SESTD1: variants seen among roughly 807,000 people sequenced by gnomAD.
The protein encoded by SESTD1 is SEC14 domain and spectrin repeat-containing protein 1.
A neutral mutation model predicts 101.7 loss-of-function variants in SESTD1; 43 were observed. That is an observed-to-expected ratio of 0.42 (90% CI 0.33 to 0.55). The LOEUF is 0.55. Among genes scored for constraint, SESTD1 ranks in the 20% least tolerant of loss-of-function variants. The pLI is 0.07. For missense variants in SESTD1, 647 were observed against 815.1 expected, an observed-to-expected ratio of 0.79 and a Z score of 2.51; for synonymous variants, 283 against 286.8, an observed-to-expected ratio of 0.99 and a Z score of 0.13.
At chr2:179,124,222 T>C (rs984032119) in intron 11 of SESTD1, 142 bp downstream of exon 11, 3 of 769,618 alleles carry the variant, frequency 3.9e-6, no homozygotes, top group Admixed American at 6.0e-5. Context: ...AATCAAAGAA[T>C]TTTATCTCAT....
intron 1 of SESTD1, among the ~76,000 whole-genome samples, chr2:179,207,778 A>T (rs2046608022): frequency 7.4e-6 from 1 of 134,568 alleles, no homozygotes; most frequent in South Asian, 2.8e-4. Context: ...ATGAGAATGA[A>T]CCAGAAAAGT....
intron 1 of SESTD1, among the ~76,000 whole-genome samples, chr2:179,199,757 C>T (rs570210173): frequency 1.3e-5 from 2 of 152,104 alleles, no homozygotes; most frequent in Non-Finnish European, 2.9e-5. Context: ...ATTCAACAAC[C>T]CTTCATGCTA....
chr2:179,234,153 C>A (rs1260676431), intron 1 of SESTD1, among the ~76,000 whole-genome samples: 1 of 152,096 alleles, frequency 6.6e-6, no homozygotes, highest in East Asian at 1.9e-4. Context: ...AGCAGGACTG[C>A]CTTCAGACTT....
In SESTD1 at chr2:179,140,340, G is replaced by GGC. The variant is rs201262118; in HGVS notation, c.849+3250_849+3251dup. On this transcript the variant is annotated intron_variant, in intron 9 of 17. Coordinates refer to ENST00000428443, the MANE Select transcript of SESTD1 (RefSeq NM_178123.5). The stretch of plus-strand genomic sequence containing the variant: ...AACCTAAAATAAGGTCTTTAGGGTG[G>GGC]GCCCAATCTAAATATATGACTGGTA... Among the ~76,000 whole-genome samples the GGC allele has an allele frequency of 4.4e-3, 674 of 152,068 alleles. 3 individuals are homozygous for GGC. The highest frequency in any genetic ancestry group is 9.8e-3 in the Admixed American group (149 of 15,262).
At chr2:179,238,627 A>C (rs1439852579) in intron 1 of SESTD1, among the ~76,000 whole-genome samples, 1 of 152,092 alleles carries the variant, frequency 6.6e-6, no homozygotes, top group African/African-American at 2.4e-5. Context: ...TTGCTCAATA[A>C]ATTACTATGT....
chr2:179,250,194 T>C (rs982116317), intron 1 of SESTD1, among the ~76,000 whole-genome samples: 2 of 150,132 alleles, frequency 1.3e-5, no homozygotes, highest in African/African-American at 4.9e-5. Context: ...AAAATCCAAA[T>C]AGAAAATGGG....
intron 1 of SESTD1, among the ~76,000 whole-genome samples, chr2:179,223,478 C>A (rs1465406217): frequency 6.6e-6 from 1 of 151,630 alleles, no homozygotes; most frequent in African/African-American, 2.4e-5. Flanking sequence ...AAATAAACAA[C>A]TGAATTGGTC....
At chr2:179,252,860 T>C (rs1042755175) in intron 1 of SESTD1, among the ~76,000 whole-genome samples, 4 of 152,208 alleles carry the variant, frequency 2.6e-5, no homozygotes, top group African/African-American at 9.7e-5. Context: ...GTTATTTTCA[T>C]AGTGTCTCCT....
intron 13 of SESTD1, among the ~76,000 whole-genome samples, chr2:179,121,045 G>A (rs1256727461): frequency 6.6e-6 from 1 of 152,144 alleles, no homozygotes; most frequent in Non-Finnish European, 1.5e-5. Flanking sequence ...ATCATCCTCT[G>A]TGGTGACAGA....
intron 1 of SESTD1, among the ~76,000 whole-genome samples, chr2:179,224,816 GT>G (rs746518798): frequency 6.6e-6 from 1 of 152,148 alleles, no homozygotes; most frequent in Non-Finnish European, 1.5e-5. Context: ...TCGACCAGAG[GT>G]CATAGAAGCT....
At chr2:179,185,722 C>CAATATATAATATACT (rs2046213012) in intron 2 of SESTD1, among the ~76,000 whole-genome samples, 2 of 56,996 alleles carry the variant, frequency 3.5e-5, no homozygotes, top group Non-Finnish European at 7.8e-5. Flanking sequence ...TATAATATAG[C>CAATATATAATATACT]ATATTATATA....
At chr2:179,189,620 G>A (rs1026849067) in intron 2 of SESTD1, among the ~76,000 whole-genome samples, 4 of 152,066 alleles carry the variant, frequency 2.6e-5, no homozygotes, top group African/African-American at 4.8e-5. Context: ...AGAAAAAGGA[G>A]GAGTCAAATT....
At chr2:179,176,317 G>A (rs895179622) in intron 4 of SESTD1, 131 bp downstream of exon 4, 2 of 667,336 alleles carry the variant, frequency 3.0e-6, no homozygotes, top group Non-Finnish European at 5.2e-6. Context: ...ATAGTGATAA[G>A]TGCATTTTCA....
chr2:179,183,577 AGTTT>A (rs2046156292), intron 2 of SESTD1, among the ~76,000 whole-genome samples: 1 of 152,132 alleles, frequency 6.6e-6, no homozygotes, highest in Non-Finnish European at 1.5e-5. Context: ...GAAATATGAT[AGTTT>A]GTTATGTTCT....
At chr2:179,252,751 G>A (rs565506833) in intron 1 of SESTD1, among the ~76,000 whole-genome samples, 115 of 152,218 alleles carry the variant, frequency 7.6e-4, no homozygotes, top group South Asian at 1.9e-3. Context: ...GGAGAATCTG[G>A]CCCAAAAAGT....
At chr2:179,123,491 G>A (rs1336940927) in intron 12 of SESTD1, among the ~76,000 whole-genome samples, 1 of 151,938 alleles carries the variant, frequency 6.6e-6, no homozygotes, top group Non-Finnish European at 1.5e-5. Context: ...AACAGGCAAG[G>A]GTAAAGGCCC....
At chr2:179,263,606 C>T (rs910357493) in intron 1 of SESTD1, among the ~76,000 whole-genome samples, 3 of 150,860 alleles carry the variant, frequency 2.0e-5, no homozygotes, top group Middle Eastern at 3.2e-3. Flanking sequence ...TAGTTACTCC[C>T]TCGGCAGCAC....
intron 2 of SESTD1, among the ~76,000 whole-genome samples, chr2:179,183,488 G>A (rs1422358973): frequency 5.3e-5 from 8 of 151,838 alleles, no homozygotes; most frequent in African/African-American, 1.2e-4. Context: ...CACCTCTCAC[G>A]TGCCCAGCAC....
At chr2:179,171,839 A>G (rs1342451261) in intron 5 of SESTD1, among the ~76,000 whole-genome samples, 1 of 152,166 alleles carries the variant, frequency 6.6e-6, no homozygotes, top group Non-Finnish European at 1.5e-5. Context: ...CCATAATGCA[A>G]TAAAAAAATT....
Sources: allele counts gnomAD v4.1 joint callset (sites outside exome capture counted in the v4.1 genomes callset), GRCh38; gene constraint gnomAD v4.1.1; transcripts MANE v1.5; gene names NCBI Gene and HGNC (gene_info 2026-07-23, HGNC 2026-07-21).